Variants in ZNF618 observed in about 807,000 individuals in gnomAD.
ZNF618 encodes the protein zinc finger protein 618.
A neutral mutation model predicts 103.0 loss-of-function variants in ZNF618; 34 were observed. The observed-to-expected ratio is 0.33, with a 90% CI of 0.25 to 0.44. The LOEUF is 0.44. Among genes scored for constraint, ZNF618 ranks in the 20% least tolerant of loss-of-function variants. ZNF618 has a pLI of 1.00. For missense variants in ZNF618, 1,059 were observed against 1,295.4 expected, an observed-to-expected ratio of 0.82 and a Z score of 2.80; for synonymous variants, 551 against 542.2, an observed-to-expected ratio of 1.02 and a Z score of -0.23.
At position 114,032,734 on chromosome 9, in the gene ZNF618, T is replaced by A. The variant is rs766387493; in HGVS notation, c.1168+6T>A. ...CAGTTCGCAGAACTCCAGCGGTGAG[T>A]GTGCCCCTTGACAGCCATCCTGTGC... is the stretch of plus-strand genomic sequence containing the variant. On this transcript the variant is annotated splice_donor_region_variant and intron_variant, in intron 12 of 14. Coordinates refer to ENST00000374126, the MANE Select transcript of ZNF618 (RefSeq NM_001318042.2). 20 of 1,613,704 alleles carry A rather than the reference T, an allele frequency of 1.2e-5. 1 individual carries two copies. The Admixed American group carries it at 2.0e-4, about 16-fold the overall frequency.
intron 1 of ZNF618, among the ~76,000 whole-genome samples, chr9:113,888,835 A>G (rs1331970022): frequency 6.6e-6 from 1 of 152,340 alleles, no homozygotes; most frequent in South Asian, 2.1e-4. Flanking sequence ...GCAGTTAATC[A>G]GAGAATCAGA....
At position 114,013,516 on chromosome 9, in the gene ZNF618, C is replaced by T. The variant is rs373697535; in HGVS notation, c.755-3179C>T. On this transcript the variant is annotated intron_variant, in intron 9 of 14. Coordinates refer to ENST00000374126, the MANE Select transcript of ZNF618 (RefSeq NM_001318042.2). The stretch of plus-strand genomic sequence containing the variant: ...CGCAGTCTCGGCTCACTGCAAGCTC[C>T]GCCTCCTGGGTTCACACCATTCTCC... 1.6e-3 allele frequency among the ~76,000 whole-genome samples: 248 copies of T among 152,290 alleles called. 1 individual carries two copies. The highest frequency in any genetic ancestry group is 4.9e-3 in the African/African-American group (203 of 41,550).
intron 1 of ZNF618, among the ~76,000 whole-genome samples, chr9:113,950,210 C>A (rs892781118): frequency 6.6e-6 from 1 of 152,188 alleles, no homozygotes. Flanking sequence ...TGCTGGCAGG[C>A]TGGCATCTCT....
At chr9:113,937,253 C>T (rs1221366396) in intron 1 of ZNF618, among the ~76,000 whole-genome samples, 1 of 152,180 alleles carries the variant, frequency 6.6e-6, no homozygotes, top group Non-Finnish European at 1.5e-5. Context: ...TCTCTCTCCT[C>T]CTCTTTCCCC....
intron 1 of ZNF618, among the ~76,000 whole-genome samples, chr9:113,936,022 G>A (rs1213345325): frequency 1.3e-5 from 2 of 152,052 alleles, no homozygotes; most frequent in African/African-American, 2.4e-5. Context: ...TGGTGCAGTC[G>A]TAGCTCACTG....
At chr9:114,034,874 A>G (rs1462856389) in intron 12 of ZNF618, among the ~76,000 whole-genome samples, 1 of 152,216 alleles carries the variant, frequency 6.6e-6, no homozygotes, top group East Asian at 1.9e-4. Flanking sequence ...GTGAGCTGCC[A>G]TGCAAGGATG....
At chr9:113,983,920 T>C (rs535272466) in intron 2 of ZNF618, among the ~76,000 whole-genome samples, 1 of 151,504 alleles carries the variant, frequency 6.6e-6, no homozygotes, top group East Asian at 1.9e-4. Flanking sequence ...CCCCGGGGAG[T>C]CTTAGGAGGC....
At chr9:113,891,160 G>A (rs1295528833) in intron 1 of ZNF618, among the ~76,000 whole-genome samples, 2 of 152,104 alleles carry the variant, frequency 1.3e-5, no homozygotes, top group East Asian at 1.9e-4. Context: ...GTATATGTGT[G>A]CCACATTTAA....
chr9:113,927,636 C>T (rs1833223594), intron 1 of ZNF618, among the ~76,000 whole-genome samples: 1 of 152,162 alleles, frequency 6.6e-6, no homozygotes, highest in South Asian at 2.1e-4. Flanking sequence ...TTTTCCTTTC[C>T]CTTGTGTTGA....
intron 1 of ZNF618, among the ~76,000 whole-genome samples, chr9:113,966,165 C>G (rs10759667): frequency 0.23 from 34,989 of 152,138 alleles, 4,676 homozygotes; most frequent in East Asian, 0.38. Flanking sequence ...CTTTTACATG[C>G]TATTACATGT....
At chr9:114,032,783 C>G in intron 12 of ZNF618, 55 bp downstream of exon 12, 1 of 1,509,450 alleles carries the variant, frequency 6.6e-7, no homozygotes, top group South Asian at 1.1e-5. Flanking sequence ...TTCGCCCGCT[C>G]CCCCCTGGCA....
Position 113,943,263 on chromosome 9 carries a change from C to T in ZNF618, c.34-25854C>T, listed in dbSNP as rs141621761. Among the ~76,000 whole-genome samples the T allele has an allele frequency of 5.1e-4, 77 of 152,318 alleles. No homozygotes were observed. In the East Asian group the frequency reaches 0.014, roughly 29 times the overall value. On this transcript the variant is annotated intron_variant, in intron 1 of 14. Transcript: ENST00000374126. ...TGATAGCCTGCGGTAAGTGCGAACT[C>T]TGCTCCTAGCTTAAGCAAGCCAGAG...
intron 3 of ZNF618, among the ~76,000 whole-genome samples, chr9:113,997,699 G>T (rs1840753738): frequency 1.3e-5 from 2 of 152,348 alleles, no homozygotes; most frequent in East Asian, 3.9e-4. Context: ...AGGTCAGTCT[G>T]CATGGAAACA....
chr9:113,973,033 T>C (rs974603408), intron 2 of ZNF618, among the ~76,000 whole-genome samples: 1 of 152,002 alleles, frequency 6.6e-6, no homozygotes, highest in Admixed American at 6.5e-5. Context: ...GCCAAGATCA[T>C]GCCACTGCAC....
intron 9 of ZNF618, among the ~76,000 whole-genome samples, chr9:114,011,507 GT>G (rs1274801709): frequency 2.0e-5 from 3 of 152,230 alleles, no homozygotes; most frequent in Non-Finnish European, 2.9e-5. Flanking sequence ...GAGATTGCTG[GT>G]GTGGTGTGAG....
At chr9:114,048,062 C>A in intron 14 of ZNF618, 68 bp downstream of exon 14, 3 of 1,312,510 alleles carry the variant, frequency 2.3e-6, no homozygotes, top group African/African-American at 1.5e-5. Flanking sequence ...CTCTGCCCCC[C>A]ATTCCCACCA....
intron 3 of ZNF618, among the ~76,000 whole-genome samples, chr9:113,994,942 AG>A (rs1430856239): frequency 2.0e-5 from 3 of 151,918 alleles, no homozygotes; most frequent in Non-Finnish European, 2.9e-5. Flanking sequence ...AAAAAAAAAA[AG>A]GTGGCATTTT....
intron 1 of ZNF618, among the ~76,000 whole-genome samples, chr9:113,965,827 T>C (rs1300275884): frequency 6.6e-6 from 1 of 152,166 alleles, no homozygotes; most frequent in Non-Finnish European, 1.5e-5. Flanking sequence ...GGAGTTTCCA[T>C]TACCTGAGTA....
chr9:114,052,002 A>G lies in ZNF618; in HGVS notation c.*1835A>G, dbSNP rs1846168419. ...CCATCATGGCGGGAGGCTGTTTGCA[A>G]AGGCACCTTCTGTCATCCTGGGGTT... On this transcript the variant is annotated 3_prime_UTR_variant, in exon 15 of 15. Coordinates refer to ENST00000374126, the MANE Select transcript of ZNF618 (RefSeq NM_001318042.2). The G allele has an allele frequency of 6.6e-6, 1 of 152,476 alleles. No individual in the cohort carries two copies. Among genetic ancestry groups the G allele is most frequent in the African/African-American group, 2.4e-5 (1 of 41,408 alleles). The allele number at this position is 152,476 out of a possible 1,614,324, so 9.4% of individuals were successfully genotyped here.
Sources: allele counts gnomAD v4.1 joint callset (sites outside exome capture counted in the v4.1 genomes callset), GRCh38; gene constraint gnomAD v4.1.1; transcripts MANE v1.5; gene names NCBI Gene and HGNC (gene_info 2026-07-23, HGNC 2026-07-21).